Variants in ANKRD29 observed in about 807,000 individuals in gnomAD.
ANKRD29 encodes ankyrin repeat domain-containing protein 29.
ANKRD29 carries 32 observed loss-of-function variants against 38.0 expected under a neutral mutation model. The ratio of observed to expected loss-of-function variants is 0.84; its 90% CI spans 0.64 to 1.13. ANKRD29 has a LOEUF of 1.13. ANKRD29 is among the 50% of genes most tolerant of loss of function. ANKRD29 has a pLI of 0.00. For missense variants in ANKRD29, 357 were observed against 377.9 expected (o/e 0.94, Z 0.46); for synonymous variants, 135 against 152.4 (o/e 0.89, Z 0.84).
intron 3 of ANKRD29, among the ~76,000 whole-genome samples, chr18:23,641,945 C>T (rs548884606): frequency 6.6e-6 from 1 of 152,212 alleles, no homozygotes; most frequent in African/African-American, 2.4e-5. Context: ...TTTTGGGTCT[C>T]CTCAGATCAT....
At chr18:23,613,669 G>A (rs551913218) in intron 8 of ANKRD29, among the ~76,000 whole-genome samples, 1 of 148,218 alleles carries the variant, frequency 6.7e-6, no homozygotes. Context: ...GTGTGATCTC[G>A]GCTCACTGCA....
chr18:23,656,485 TAATA>T (rs2060286115), intron 1 of ANKRD29, among the ~76,000 whole-genome samples: 5 of 152,300 alleles, frequency 3.3e-5, no homozygotes, highest in African/African-American at 9.6e-5. Context: ...AAATCAAAGT[TAATA>T]AATATTCAAT....
At chr18:23,656,030 T>C (rs575092347) in intron 1 of ANKRD29, among the ~76,000 whole-genome samples, 5 of 148,414 alleles carry the variant, frequency 3.4e-5, no homozygotes, top group African/African-American at 9.9e-5. Flanking sequence ...GAGGCGGAGC[T>C]TGCAGTGAGC....
intron 9 of ANKRD29, among the ~76,000 whole-genome samples, chr18:23,606,995 G>T (rs999969553): frequency 6.6e-5 from 10 of 152,178 alleles, no homozygotes; most frequent in African/African-American, 2.4e-4. Flanking sequence ...AGCCAAGCCT[G>T]GAACCCCAGT....
rs1164175762 is a variant in ANKRD29 at position 23,616,604 on chromosome 18, C to CTATATA, written c.723+1122_723+1127dup. ...TATATATATATATATACTATATATA[C>CTATATA]TATATATATAGTGTATAGTAAATAC... is the stretch of plus-strand genomic sequence containing the variant. On this transcript the variant is annotated intron_variant, in intron 8 of 9. Coordinates refer to ENST00000592179, the MANE Select transcript of ANKRD29 (RefSeq NM_173505.4). Among the ~76,000 whole-genome samples, 205 of 131,284 alleles carry CTATATA rather than the reference C, an allele frequency of 1.6e-3. 1 individual carries two copies. The highest frequency in any genetic ancestry group is 5.9e-3 in the African/African-American group (194 of 32,986). The allele number at this position is 131,284 out of a possible 152,430, so 86.1% of individuals were successfully genotyped here. A position where few individuals can be genotyped will look rare whatever the true frequency, so the allele number is the denominator to read the frequency against.
chr18:23,637,577 TA>T (rs563567559), intron 4 of ANKRD29, among the ~76,000 whole-genome samples: 129 of 152,096 alleles, frequency 8.5e-4, no homozygotes, highest in African/African-American at 3.0e-3. Flanking sequence ...CTTTTTTTTT[TA>T]ATAGAGATGA....
intron 1 of ANKRD29, 63 bp from the exon 2 acceptor site, chr18:23,649,256 C>T: frequency 8.5e-7 from 1 of 1,170,534 alleles, no homozygotes; most frequent in East Asian, 2.5e-5. Flanking sequence ...TGCTGCTATG[C>T]ACATAGATAA....
intron 4 of ANKRD29, among the ~76,000 whole-genome samples, chr18:23,635,420 A>T (rs1378425634): frequency 1.3e-5 from 2 of 152,078 alleles, no homozygotes; most frequent in African/African-American, 4.8e-5. Flanking sequence ...CTTTTCTACC[A>T]ACCACATCAC....
At chr18:23,633,751 A>G (rs1387135686) in intron 5 of ANKRD29, among the ~76,000 whole-genome samples, 2 of 152,070 alleles carry the variant, frequency 1.3e-5, no homozygotes, top group Non-Finnish European at 2.9e-5. Flanking sequence ...TTGTATTTTT[A>G]GTAGAGCCGG....
intron 7 of ANKRD29, among the ~76,000 whole-genome samples, chr18:23,618,247 T>G (rs1483877120): frequency 1.3e-5 from 2 of 152,222 alleles, no homozygotes; most frequent in Admixed American, 6.5e-5. Flanking sequence ...CTAAAAAAAT[T>G]TATACAGCCT....
chr18:23,635,339 T>C (rs1236410507), intron 4 of ANKRD29, among the ~76,000 whole-genome samples: 1 of 150,918 alleles, frequency 6.6e-6, no homozygotes, highest in African/African-American at 2.4e-5. Context: ...AAAGCACACA[T>C]GCTCTGATGT....
At chr18:23,611,981 A>G in intron 9 of ANKRD29, 111 bp downstream of exon 9, 4 of 933,564 alleles carry the variant, frequency 4.3e-6, no homozygotes, top group Non-Finnish European at 6.5e-6. Context: ...GAATGCCCTT[A>G]CTATGCAAAG....
intron 6 of ANKRD29, among the ~76,000 whole-genome samples, chr18:23,623,858 T>G (rs2059826501): frequency 6.6e-6 from 1 of 151,842 alleles, no homozygotes; most frequent in African/African-American, 2.4e-5. Flanking sequence ...TTAGGCAGGT[T>G]GGTCTCGATC....
At chr18:23,661,817 T>C (rs900910483) in intron 1 of ANKRD29, among the ~76,000 whole-genome samples, 1 of 152,158 alleles carries the variant, frequency 6.6e-6, no homozygotes, top group Non-Finnish European at 1.5e-5. Context: ...ATCTTCCAGC[T>C]CCAACCCTCT....
At chr18:23,647,929 C>T (rs989217030) in intron 2 of ANKRD29, 1 of 152,178 alleles carries the variant, frequency 6.6e-6, no homozygotes, top group African/African-American at 2.4e-5. Context: ...TAAGCTGAGG[C>T]CTGGGTGTAG....
At chr18:23,627,403 G>C (rs1442061875) in intron 6 of ANKRD29, among the ~76,000 whole-genome samples, 1 of 152,146 alleles carries the variant, frequency 6.6e-6, no homozygotes, top group Non-Finnish European at 1.5e-5. Flanking sequence ...CTTGACCAGA[G>C]GGTGGATCCC....
chr18:23,643,357 A>G (rs1428317146), intron 3 of ANKRD29, among the ~76,000 whole-genome samples: 4 of 152,210 alleles, frequency 2.6e-5, no homozygotes, highest in African/African-American at 9.6e-5. Context: ...ACCTTAGGGA[A>G]TTAATAGTTC....
intron 8 of ANKRD29, among the ~76,000 whole-genome samples, chr18:23,613,597 T>C (rs2059672375): frequency 6.6e-6 from 1 of 150,918 alleles, no homozygotes. Context: ...ATTTTTACTT[T>C]ACAATTTTTT....
intron 3 of ANKRD29, among the ~76,000 whole-genome samples, chr18:23,645,217 C>T (rs1006971742): frequency 2.6e-5 from 4 of 152,114 alleles, no homozygotes; most frequent in African/African-American, 9.7e-5. Context: ...GCGTGTGTCT[C>T]CATAAAGATT....
Sources: allele counts gnomAD v4.1 joint callset (sites outside exome capture counted in the v4.1 genomes callset), GRCh38; gene constraint gnomAD v4.1.1; transcripts MANE v1.5; gene names NCBI Gene and HGNC (gene_info 2026-07-23, HGNC 2026-07-21).